Variants in RAI14 observed in about 807,000 individuals in gnomAD.
RAI14 encodes retinoic acid induced 14.
In RAI14, 45 loss-of-function variants were observed where a neutral mutation model predicts 115.4. The ratio of observed to expected loss-of-function variants is 0.39; its 90% CI spans 0.31 to 0.50. RAI14 has a LOEUF of 0.50. Among genes scored for constraint, RAI14 ranks in the 20% least tolerant of loss-of-function variants. RAI14 has a pLI of 0.85. For missense variants in RAI14, 939 were observed against 1,131.2 expected (o/e 0.83, Z 2.44); for synonymous variants, 371 against 415.4 (o/e 0.89, Z 1.30).
chr5:34,829,815 G>T lies in RAI14; in HGVS notation c.2865+18G>T, dbSNP rs367874264. 229 of 1,579,830 alleles carry T rather than the reference G, an allele frequency of 1.4e-4. 1 individual carries two copies. The African/African-American group carries it at 2.5e-3, about 17-fold the overall frequency. On this transcript the variant is annotated intron_variant, in intron 17 of 17. Coordinates refer to ENST00000265109, the MANE Select transcript of RAI14 (RefSeq NM_015577.3). ...CTGTGCAGGTATGGTTATGCCCCTT[G>T]AAGTATCTGGACATCCTAAAGAAAT...
At chr5:34,704,396 G>T (rs1209196596) in intron 2 of RAI14, among the ~76,000 whole-genome samples, 1 of 152,162 alleles carries the variant, frequency 6.6e-6, no homozygotes, top group African/African-American at 2.4e-5. Context: ...TTAATTACTT[G>T]ACTGAATAGC....
intron 4 of RAI14, among the ~76,000 whole-genome samples, chr5:34,798,562 T>G (rs1353576382): frequency 6.6e-6 from 1 of 152,104 alleles, no homozygotes; most frequent in Non-Finnish European, 1.5e-5. Context: ...TTATTAAATA[T>G]CCCGCCAGTT....
intron 2 of RAI14, among the ~76,000 whole-genome samples, chr5:34,721,264 T>G (rs1742682223): frequency 6.8e-6 from 1 of 146,818 alleles, no homozygotes; most frequent in Non-Finnish European, 1.5e-5. Flanking sequence ...TATAGATATG[T>G]GTGTGTATGT....
intron 2 of RAI14, among the ~76,000 whole-genome samples, chr5:34,752,747 G>GTA (rs1401812633): frequency 1.8e-5 from 2 of 109,560 alleles, no homozygotes; most frequent in Non-Finnish European, 1.8e-5. Flanking sequence ...GTGTGTGTGT[G>GTA]TGTATATATA....
chr5:34,743,452 G>A (rs1436874608), intron 2 of RAI14, among the ~76,000 whole-genome samples: 1 of 152,166 alleles, frequency 6.6e-6, no homozygotes, highest in Admixed American at 6.5e-5. Context: ...TCTATCCCGA[G>A]TCTAGAATAA....
chr5:34,728,185 C>T (rs900902520), intron 2 of RAI14, among the ~76,000 whole-genome samples: 7 of 152,206 alleles, frequency 4.6e-5, no homozygotes, highest in African/African-American at 1.7e-4. Context: ...TCTGTACCCC[C>T]ACTGTATCTA....
At chr5:34,747,110 G>A (rs1048054784) in intron 2 of RAI14, among the ~76,000 whole-genome samples, 1 of 152,158 alleles carries the variant, frequency 6.6e-6, no homozygotes. Context: ...TATCAGCAGC[G>A]TGAAAACCAA....
intron 2 of RAI14, among the ~76,000 whole-genome samples, chr5:34,708,709 T>G (rs1430535855): frequency 2.6e-5 from 4 of 152,158 alleles, no homozygotes; most frequent in Admixed American, 2.6e-4. Context: ...ACAGTGAAAA[T>G]AAAATGTCAG....
intron 2 of RAI14, among the ~76,000 whole-genome samples, chr5:34,748,112 G>GTGTTTA (rs1746523838): frequency 1.3e-5 from 2 of 152,156 alleles, no homozygotes; most frequent in Non-Finnish European, 2.9e-5. Flanking sequence ...CTGGATGGAG[G>GTGTTTA]TGTTTATGTA....
At chr5:34,764,889 A>C (rs557058921) in intron 3 of RAI14, among the ~76,000 whole-genome samples, 1 of 152,240 alleles carries the variant, frequency 6.6e-6, no homozygotes, top group African/African-American at 2.4e-5. Context: ...CTCATCTTGA[A>C]TTGTACTCCC....
At chr5:34,683,355 CT>C (rs1176417997) in intron 1 of RAI14, among the ~76,000 whole-genome samples, 7 of 152,098 alleles carry the variant, frequency 4.6e-5, no homozygotes, top group African/African-American at 1.7e-4. Flanking sequence ...AATCCCTTCC[CT>C]TGGGAACTTT....
intron 2 of RAI14, among the ~76,000 whole-genome samples, chr5:34,752,723 G>A (rs1049366490): frequency 1.8e-5 from 2 of 108,814 alleles, no homozygotes; most frequent in African/African-American, 7.7e-5. Context: ...GTGTGTGTGT[G>A]TGTGTGTGTG....
intron 2 of RAI14, 106 bp from the exon 3 acceptor site, chr5:34,757,362 A>T: frequency 7.7e-7 from 1 of 1,292,474 alleles, no homozygotes; most frequent in Non-Finnish European, 1.1e-6. Context: ...AGCAGGCTTT[A>T]ATTTGAGTGA....
chr5:34,700,397 C>A (rs972710079), intron 2 of RAI14, among the ~76,000 whole-genome samples: 1 of 152,132 alleles, frequency 6.6e-6, no homozygotes, highest in Non-Finnish European at 1.5e-5. Flanking sequence ...CCACCTAAGC[C>A]CTTTCCCCAT....
chr5:34,679,900 C>T (rs112668674), intron 1 of RAI14, among the ~76,000 whole-genome samples: 19 of 151,578 alleles, frequency 1.3e-4, no homozygotes, highest in African/African-American at 4.6e-4. Flanking sequence ...CTCAGTACAC[C>T]TGGGATCCAC....
chr5:34,674,277 G>A (rs1336075469), intron 1 of RAI14, among the ~76,000 whole-genome samples: 2 of 152,080 alleles, frequency 1.3e-5, no homozygotes, highest in Admixed American at 1.3e-4. Context: ...ATTCTGAAAA[G>A]TATTAAGACA....
chr5:34,803,052 A>G (rs1447177952), intron 4 of RAI14, among the ~76,000 whole-genome samples: 2 of 152,206 alleles, frequency 1.3e-5, no homozygotes, highest in African/African-American at 4.8e-5. Context: ...ATAGCCTGGC[A>G]TGGCTCTTAT....
chr5:34,692,791 G>C (rs760961469), intron 2 of RAI14, among the ~76,000 whole-genome samples: 6 of 152,046 alleles, frequency 3.9e-5, no homozygotes, highest in Non-Finnish European at 8.8e-5. Context: ...GATTTTGCCT[G>C]GTATTAGTTT....
At chr5:34,737,270 T>C (rs1744987616) in intron 2 of RAI14, among the ~76,000 whole-genome samples, 2 of 149,430 alleles carry the variant, frequency 1.3e-5, no homozygotes, top group Admixed American at 1.3e-4. Context: ...GTGCAGGATG[T>C]GCTGAGGCTG....
Sources: gnomAD v4.1 joint callset for allele counts (sites outside exome capture counted in the v4.1 genomes callset) on GRCh38, gnomAD v4.1.1 for gene constraint, MANE v1.5 for transcripts, NCBI Gene and HGNC (gene_info 2026-07-23, HGNC 2026-07-21) for gene names.